PLIN2: variants seen among roughly 807,000 people sequenced by gnomAD.
PLIN2 encodes perilipin 2, also known as perilipin-2.
In PLIN2, 33 loss-of-function variants were observed where a neutral mutation model predicts 30.6. That is an observed-to-expected ratio of 1.08 (90% confidence interval 0.82 to 1.44). The LOEUF (loss-of-function observed/expected upper bound fraction) is 1.44. Among genes scored for constraint, PLIN2 ranks in the 40% most tolerant of loss-of-function variants. The probability of loss-of-function intolerance (pLI) is 0.00; values close to 1 mark genes in which losing one functional copy is unlikely to be tolerated. For synonymous variants in PLIN2, 205 were observed against 201.1 expected, an observed-to-expected ratio of 1.02 and a Z score of -0.16; for missense variants, 610 against 531.8, an observed-to-expected ratio of 1.15 and a Z score of -1.45.
At chr9:19,121,324 C>G (rs1564030918) in intron 4 of PLIN2, among the ~76,000 whole-genome samples, 159 bp from the exon 5 acceptor site, 1 of 152,060 alleles carries the variant, frequency 6.6e-6, no homozygotes, top group Non-Finnish European at 1.5e-5. Context: ...AGTTGATGAG[C>G]CTGAATTTCC....
At chr9:19,118,877 G>A (rs1165971719) in intron 6 of PLIN2, among the ~76,000 whole-genome samples, 2 of 152,190 alleles carry the variant, frequency 1.3e-5, no homozygotes, top group African/African-American at 4.8e-5. Context: ...ATTTTTAGTA[G>A]AGACAGGATT....
At chr9:19,121,870 G>C (rs146380739) in intron 4 of PLIN2, among the ~76,000 whole-genome samples, 6,048 of 152,280 alleles carry the variant, frequency 0.04, 179 homozygotes, top group Non-Finnish European at 0.056. Flanking sequence ...GGTGGAGGTT[G>C]CAGTGAGCCA....
chr9:19,110,097 G>T (rs894668720), intron 2 of PLIN2, among the ~76,000 whole-genome samples: 1 of 151,624 alleles, frequency 6.6e-6, no homozygotes. Flanking sequence ...AATCTCAGCT[G>T]TCTGCAACCT....
downstream of PLIN2, among the ~76,000 whole-genome samples, chr9:19,113,803 G>C (rs770943374): frequency 2.8e-5 from 4 of 141,722 alleles, no homozygotes; most frequent in Non-Finnish European, 4.6e-5. Flanking sequence ...ATGGAGTCTC[G>C]CCCTGTCGCT....
intron 3 of PLIN2, 186 bp downstream of exon 3, chr9:19,125,922 CAAAAAA>C: frequency 2.5e-6 from 1 of 407,460 alleles, no homozygotes; most frequent in Non-Finnish European, 4.3e-6. Flanking sequence ...GACTCCATCT[CAAAAAA>C]AAAAAAAAAG....
chr9:19,114,297 G>T (rs1213673190), downstream of PLIN2, among the ~76,000 whole-genome samples: 2 of 152,202 alleles, frequency 1.3e-5, no homozygotes, highest in African/African-American at 2.4e-5. Context: ...GGAGAGAAAG[G>T]GGTGAACCAG....
chr9:19,109,912 C>T (rs576317054), intron 2 of PLIN2, among the ~76,000 whole-genome samples: 5 of 151,308 alleles, frequency 3.3e-5, no homozygotes, highest in African/African-American at 9.7e-5. Context: ...GCCAAGATTG[C>T]ACCACTGCAC....
chr9:19,115,701 T>C (rs1424590325), downstream of PLIN2: 2 of 152,442 alleles, frequency 1.3e-5, no homozygotes, highest in East Asian at 3.8e-4. Context: ...AATAACTCTG[T>C]CATGCAGGTT....
At chr9:19,125,157 A>G (rs73417223) in intron 3 of PLIN2, among the ~76,000 whole-genome samples, 2,592 of 152,300 alleles carry the variant, frequency 0.017, 77 homozygotes, top group African/African-American at 0.059. Context: ...TCGGTAAAAT[A>G]TACATAACAA....
rs56310265 is a variant in PLIN2 at position 19,116,105 on chromosome 9, T to G, written c.*143A>C. Reference sequence around the variant, plus strand: ...CTAATGCCAGAAACTTTAAAGCTCTTAATTCAGCTGGAAACAACTACAATT... The same window carrying G: ...CTAATGCCAGAAACTTTAAAGCTCTGAATTCAGCTGGAAACAACTACAATT... On this transcript the variant is annotated 3_prime_UTR_variant, in exon 8 of 8. Transcript: ENST00000276914. 32,551 of 697,428 alleles carry G rather than the reference T, an allele frequency of 0.047. 930 individuals carry two copies. The highest frequency in any genetic ancestry group is 0.054 in the Non-Finnish European group (24,014 of 440,814). The allele number at this position is 697,428 out of a possible 1,614,324, so 43.2% of individuals were successfully genotyped here.
intron 2 of PLIN2, among the ~76,000 whole-genome samples, chr9:19,110,458 C>G (rs866583328): frequency 6.6e-6 from 1 of 151,564 alleles, no homozygotes; most frequent in African/African-American, 2.4e-5. Flanking sequence ...GAAATTTTGA[C>G]ATTGGATTTC....
At chr9:19,115,717 G>C (rs1478877119), downstream of PLIN2, 1 of 152,702 alleles carries the variant, frequency 6.5e-6, no homozygotes, top group Non-Finnish European at 1.5e-5. Context: ...AGGTTAAGCA[G>C]CTCTACGAAA....
chr9:19,126,315 A>G lies in PLIN2; in HGVS notation c.31-6T>C, dbSNP rs41269017. ...ACCACCCGAGTCACCACACTCTGCA[A>G]TCAAAGTAGGGAGGGTATGCTTATT... On this transcript the variant is annotated splice_polypyrimidine_tract_variant and splice_region_variant and intron_variant, in intron 2 of 7. Transcript: ENST00000276914. 1.4e-5 allele frequency: 22 copies of G among 1,613,674 alleles called. No individual in the cohort carries two copies. The highest frequency in any genetic ancestry group is 1.6e-4 in the Middle Eastern group (1 of 6,062).
intron 4 of PLIN2, chr9:19,123,086 G>A (rs1818344631): frequency 2.4e-6 from 1 of 421,980 alleles, no homozygotes; most frequent in African/African-American, 2.0e-5. Flanking sequence ...GTGCCATTCT[G>A]TATTCTTAAT....
intron 4 of PLIN2, among the ~76,000 whole-genome samples, 174 bp from the exon 5 acceptor site, chr9:19,121,339 C>G (rs112226256): frequency 6.4e-4 from 98 of 152,176 alleles, no homozygotes; most frequent in African/African-American, 2.3e-3. Flanking sequence ...ATTTCCCTAT[C>G]AAGTATATCT....
rs1588643793 is a variant in PLIN2, at chr9:19,118,534, T to C, written c.778-79A>G. 3 of 1,305,434 alleles carry C rather than the reference T, an allele frequency of 2.3e-6. No homozygotes were observed. In the East Asian group the frequency reaches 7.2e-5, roughly 31 times the overall value. 80.9% of individuals were successfully genotyped at this position (1,305,434 alleles called of 1,614,324 possible). ...CCTGTTTGCAGATGTATGATGTAAA[T>C]CAGGCAACATAAAAACTAAGAATTT... On this transcript the variant is annotated intron_variant, in intron 6 of 7. Transcript: ENST00000276914.
In PLIN2 at chr9:19,126,195, T is replaced by G. The variant is rs1818394799; in HGVS notation, c.145A>C (p.Met49Leu). Residue 49 changes from methionine to leucine, a missense_variant, in exon 3 of 8, where the codon ATG (methionine) becomes CTG (leucine). Coordinates refer to ENST00000276914, the MANE Select transcript of PLIN2 (RefSeq NM_001122.4). The stretch of plus-strand genomic sequence containing the variant: ...ATGGTCTTCACACCGTTCTCTGCCA[T>G]CTCACACACAGACTTCAGGTAGGGA... ...QYPYLKSVCE[M>L]AENGVKTITS... 2 of 1,614,162 alleles carry G rather than the reference T, an allele frequency of 1.2e-6. No homozygotes were observed. The highest frequency in any genetic ancestry group is 2.7e-5 in the African/African-American group (2 of 75,058).
Position 19,118,370 on chromosome 9 carries a change from C to G in PLIN2, c.863G>C (p.Trp288Ser), listed in dbSNP as rs780337304. The G allele has an allele frequency of 6.2e-7, 1 of 1,613,450 alleles. No homozygotes were observed. The highest frequency in any genetic ancestry group is 2.2e-5 in the East Asian group (1 of 44,854). Reference protein sequence around the residue: ...QDKLYLSWVEWKRSIGYDDTD... With the variant: ...QDKLYLSWVESKRSIGYDDTD... ...ATCATCATATCCAATGCTCCTTTTCCACTCTACCCATGAGAGGTAGAGCTT... is the reference window on the plus strand; with the variant it reads ...ATCATCATATCCAATGCTCCTTTTCGACTCTACCCATGAGAGGTAGAGCTT... The change falls in exon 7 of 8, where the codon TGG (tryptophan) becomes TCG (serine). Residue 288 changes from tryptophan (W) to serine (S), a missense_variant. Physicochemically the swap from Trp to Ser is radical, Grantham distance 177 (BLOSUM62 -3). Transcript: ENST00000276914.
At chr9:19,124,511 G>C (rs1288893246) in intron 3 of PLIN2, among the ~76,000 whole-genome samples, 1 of 152,084 alleles carries the variant, frequency 6.6e-6, no homozygotes, top group Non-Finnish European at 1.5e-5. Flanking sequence ...GGAATGGCTG[G>C]TCTCTAAAGG....
Sources: allele counts gnomAD v4.1 joint callset (sites outside exome capture counted in the v4.1 genomes callset), GRCh38; gene constraint gnomAD v4.1.1; transcripts MANE v1.5; gene names NCBI Gene and HGNC (gene_info 2026-07-23, HGNC 2026-07-21).